The following ALDH1A2 variants were observed in gnomAD, a reference collection of about 807,000 sequenced individuals.
ALDH1A2 encodes aldehyde dehydrogenase 1 family member A2, also known as retinal dehydrogenase 2.
ALDH1A2 carries 27 observed loss-of-function variants against 60.3 expected under a neutral mutation model. The ratio of observed to expected loss-of-function variants is 0.45; its 90% CI spans 0.33 to 0.62. ALDH1A2 has a LOEUF of 0.62. Among genes scored for constraint, ALDH1A2 ranks in the 20% least tolerant of loss-of-function variants. ALDH1A2 has a pLI of 0.02. For missense variants in ALDH1A2, 581 were observed against 643.8 expected, an observed-to-expected ratio of 0.90 and a Z score of 1.06; for synonymous variants, 289 against 232.4, an observed-to-expected ratio of 1.24 and a Z score of -2.21.
At chr15:57,964,878 G>A (rs1888881685) in intron 8 of ALDH1A2, 1 of 152,204 alleles carries the variant, frequency 6.6e-6, no homozygotes, top group Non-Finnish European at 1.5e-5. Context: ...TGATTTTCTT[G>A]ACAACTAATA....
intron 1 of ALDH1A2, among the ~76,000 whole-genome samples, chr15:58,055,079 T>A (rs1051176433): frequency 1.6e-4 from 25 of 152,224 alleles, no homozygotes; most frequent in Middle Eastern, 3.4e-3. Context: ...AGGCTTTAGG[T>A]TAATAGTCCA....
chr15:58,041,928 G>A (rs11071365), intron 1 of ALDH1A2, among the ~76,000 whole-genome samples: 44,256 of 151,740 alleles, frequency 0.29, 6,956 homozygotes, highest in Non-Finnish European at 0.36. Context: ...ACACCATATC[G>A]TAGTAAGTTA....
At chr15:58,010,513 GGTTCTTCACTCA>G (rs1895597838) in intron 4 of ALDH1A2, 124 bp downstream of exon 4, 7 of 1,126,248 alleles carry the variant, frequency 6.2e-6, no homozygotes, top group Non-Finnish European at 8.8e-6. Context: ...TAATTTGGTT[GGTTCTTCACTCA>G]GTTCTAACTG....
intron 1 of ALDH1A2, among the ~76,000 whole-genome samples, chr15:58,023,273 A>T (rs1895983192): frequency 1.3e-5 from 2 of 152,218 alleles, no homozygotes; most frequent in African/African-American, 4.8e-5. Flanking sequence ...TAATCCAGTA[A>T]AACAAAACAA....
At chr15:57,978,599 C>T (rs568464119) in intron 7 of ALDH1A2, among the ~76,000 whole-genome samples, 1 of 151,970 alleles carries the variant, frequency 6.6e-6, no homozygotes, top group South Asian at 2.1e-4. Flanking sequence ...GTGTTTGGTC[C>T]ACAGTCATAT....
chr15:57,990,429 T>G (rs1484720402), intron 7 of ALDH1A2: 1 of 152,178 alleles, frequency 6.6e-6, no homozygotes, highest in Non-Finnish European at 1.5e-5. Flanking sequence ...AAAACCACCC[T>G]CAAGTGTACA....
intron 1 of ALDH1A2, among the ~76,000 whole-genome samples, chr15:58,040,604 A>G (rs947425695): frequency 1.3e-5 from 2 of 151,922 alleles, no homozygotes; most frequent in Non-Finnish European, 2.9e-5. Flanking sequence ...GACAGGGCAA[A>G]AAACTTGAAC....
intron 7 of ALDH1A2, among the ~76,000 whole-genome samples, chr15:57,981,202 T>A (rs1280413557): frequency 1.3e-5 from 2 of 151,934 alleles, no homozygotes; most frequent in African/African-American, 4.8e-5. Flanking sequence ...TCTAGTACAC[T>A]ATTTTACCAA....
chr15:58,057,649 C>G (rs1324955006), intron 1 of ALDH1A2, among the ~76,000 whole-genome samples: 2 of 152,162 alleles, frequency 1.3e-5, no homozygotes, highest in Non-Finnish European at 2.9e-5. Flanking sequence ...GGAAACATCT[C>G]TATCTTCTGA....
chr15:57,956,346 G>T (rs1173026362), intron 12 of ALDH1A2, among the ~76,000 whole-genome samples: 1 of 152,334 alleles, frequency 6.6e-6, no homozygotes, highest in Admixed American at 6.5e-5. Flanking sequence ...ACAATTAAAT[G>T]ATTAAGAAAG....
At chr15:58,024,936 A>G (rs1351269941) in intron 1 of ALDH1A2, among the ~76,000 whole-genome samples, 5 of 152,190 alleles carry the variant, frequency 3.3e-5, no homozygotes, top group Non-Finnish European at 5.9e-5. Flanking sequence ...CTCCTGAATG[A>G]CCACTGTGTC....
chr15:58,026,828 C>A (rs1896092925), intron 1 of ALDH1A2, among the ~76,000 whole-genome samples: 1 of 152,172 alleles, frequency 6.6e-6, no homozygotes, highest in South Asian at 2.1e-4. Flanking sequence ...GGGTGTCTGC[C>A]ATTGCTGAGG....
chr15:58,041,567 A>G (rs549631504), intron 1 of ALDH1A2, among the ~76,000 whole-genome samples: 80 of 151,926 alleles, frequency 5.3e-4, no homozygotes, highest in Non-Finnish European at 1.0e-3. Context: ...TTTTTGGTTC[A>G]TAGATGGTGC....
chr15:58,016,228 T>C (rs1000506185), intron 1 of ALDH1A2, among the ~76,000 whole-genome samples: 21 of 151,596 alleles, frequency 1.4e-4, no homozygotes, highest in Admixed American at 9.9e-4. Context: ...ATGCAACCTC[T>C]GCCGCCCGGG....
intron 1 of ALDH1A2, among the ~76,000 whole-genome samples, chr15:58,061,992 G>A (rs114914190): frequency 0.021 from 3,135 of 152,184 alleles, 118 homozygotes; most frequent in African/African-American, 0.07. Flanking sequence ...AAGCACCCCT[G>A]TTAGGAACAT....
In ALDH1A2 at chr15:57,954,922, G is replaced by C. The variant is rs1391555163; in HGVS notation, c.*275C>G. The C allele has an allele frequency of 3.7e-6, 2 of 535,458 alleles. No individual in the cohort carries two copies. The highest frequency in any genetic ancestry group is 6.6e-5 in the East Asian group (2 of 30,522). 33.2% of individuals were successfully genotyped at this position (535,458 alleles called of 1,614,324 possible). On this transcript the variant is annotated 3_prime_UTR_variant, in exon 13 of 13. Transcript: ENST00000249750. ...CCTTATTTCATCCTGTGCTCCAGAA[G>C]GAGATACTGGATGTGTCTGCTAGCT...
intron 1 of ALDH1A2, among the ~76,000 whole-genome samples, chr15:58,027,172 C>T (rs1391481865): frequency 6.6e-6 from 1 of 152,176 alleles, no homozygotes; most frequent in East Asian, 1.9e-4. Context: ...TGAGATGAAG[C>T]TTCCAGAGGA....
At chr15:57,955,565 A>G (rs1893493785) in intron 12 of ALDH1A2, among the ~76,000 whole-genome samples, 1 of 152,236 alleles carries the variant, frequency 6.6e-6, no homozygotes, top group South Asian at 2.1e-4. Flanking sequence ...ATGACTCTCA[A>G]TTACTCAGAG....
At chr15:57,958,214 G>GCACA (rs113322985) in intron 12 of ALDH1A2, among the ~76,000 whole-genome samples, 18 of 151,818 alleles carry the variant, frequency 1.2e-4, no homozygotes, top group African/African-American at 3.9e-4. Flanking sequence ...GTACACGCAC[G>GCACA]CACACACACA....
Sources: allele counts gnomAD v4.1 joint callset (sites outside exome capture counted in the v4.1 genomes callset), GRCh38; gene constraint gnomAD v4.1.1; transcripts MANE v1.5; gene names NCBI Gene and HGNC (gene_info 2026-07-23, HGNC 2026-07-21).